The following PTPRM variants were observed in gnomAD, a reference collection of about 807,000 sequenced individuals.
PTPRM encodes the protein protein tyrosine phosphatase receptor type M.
In PTPRM, 47 loss-of-function variants were observed where a neutral mutation model predicts 186.7. The observed-to-expected ratio is 0.25, with a 90% CI of 0.20 to 0.32. The LOEUF (loss-of-function observed/expected upper bound fraction) is 0.32, where lower values mean the gene tolerates loss of function less well. Among genes scored for constraint, PTPRM ranks in the 10% least tolerant of loss-of-function variants. The probability of loss-of-function intolerance (pLI) is 1.00; values close to 1 mark genes in which losing one functional copy is unlikely to be tolerated. For synonymous variants in PTPRM, 668 were observed against 674.9 expected, an observed-to-expected ratio of 0.99 and a Z score of 0.16; for missense variants, 1,494 against 1,865.0, an observed-to-expected ratio of 0.80 and a Z score of 3.66.
Position 8,344,446 on chromosome 18 carries a change from G to GTATATATATATATATATA in PTPRM, c.3054+927_3054+928insATATATATATATATATAT, listed in dbSNP as rs1412437272. Among the ~76,000 whole-genome samples, 59 of 16,594 alleles carry GTATATATATATATATATA rather than the reference G, an allele frequency of 3.6e-3. 2 individuals carry two copies. Among genetic ancestry groups the GTATATATATATATATATA allele is most frequent in the South Asian group, 9.0e-3 (3 of 334 alleles). The allele number at this position is 16,594 out of a possible 152,430, so 10.9% of individuals were successfully genotyped here. On this transcript the variant is annotated intron_variant, in intron 23 of 32. Transcript: ENST00000580170. ...GATATATATATGTGTGTGTGTGTGT[G>GTATATATATATATATATA]TGTATATATATATATATATATATAT...
chr18:7,920,617 AC>A (rs1446372662), intron 4 of PTPRM, among the ~76,000 whole-genome samples: 2 of 152,198 alleles, frequency 1.3e-5, no homozygotes, highest in Non-Finnish European at 2.9e-5. Flanking sequence ...CACAATACTT[AC>A]GAATAGATTG....
Position 8,344,383 on chromosome 18 carries a change from G to GATAT in PTPRM, c.3054+875_3054+878dup, listed in dbSNP as rs61028996. Among the ~76,000 whole-genome samples, 95 of 144,860 alleles carry GATAT rather than the reference G, an allele frequency of 6.6e-4. 1 individual carries two copies. The highest frequency in any genetic ancestry group is 3.0e-3 in the Admixed American group (43 of 14,394). On this transcript the variant is annotated intron_variant, in intron 23 of 32. Transcript: ENST00000580170. ...CATAATGAGAATATTCAGTAAGTAG[G>GATAT]ATATATATATATATACATACACACA... is the stretch of plus-strand genomic sequence containing the variant.
At chr18:8,112,150 T>G (rs1022610870) in intron 11 of PTPRM, among the ~76,000 whole-genome samples, 2 of 152,228 alleles carry the variant, frequency 1.3e-5, no homozygotes, top group African/African-American at 4.8e-5. Flanking sequence ...ACTGGTAATA[T>G]TCACTTTATC....
chr18:8,383,478 C>G (rs1258545541), intron 29 of PTPRM, among the ~76,000 whole-genome samples: 1 of 152,036 alleles, frequency 6.6e-6, no homozygotes, highest in Non-Finnish European at 1.5e-5. Context: ...CTGACTATTT[C>G]CAAGGGTAGG....
intron 1 of PTPRM, among the ~76,000 whole-genome samples, chr18:7,675,738 A>ATT (rs112150765): frequency 0.037 from 5,261 of 141,882 alleles, 120 homozygotes; most frequent in East Asian, 0.097. Flanking sequence ...TTCATTCAGC[A>ATT]TTTTTTTTTT....
At chr18:7,620,975 G>A (rs1251373121) in intron 1 of PTPRM, among the ~76,000 whole-genome samples, 1 of 152,126 alleles carries the variant, frequency 6.6e-6, no homozygotes, top group African/African-American at 2.4e-5. Context: ...CTTGAGGCCA[G>A]GAGTTTGAGA....
intron 4 of PTPRM, among the ~76,000 whole-genome samples, chr18:7,926,083 C>A (rs2051157059): frequency 1.3e-5 from 2 of 152,200 alleles, no homozygotes; most frequent in Non-Finnish European, 1.5e-5. Flanking sequence ...AGTAATGCTG[C>A]ATACCAGTTA....
chr18:8,387,486 G>C, intron 31 of PTPRM, among the ~76,000 whole-genome samples: 1 of 127,284 alleles, frequency 7.9e-6, no homozygotes, highest in Admixed American at 8.8e-5. Context: ...CCCTGCCTCC[G>C]CCGCCCACTG....
chr18:8,397,234 T>A lies in PTPRM; in HGVS notation c.4344+2623T>A, dbSNP rs372310360. Among the ~76,000 whole-genome samples, 26 of 152,344 alleles carry A rather than the reference T, an allele frequency of 1.7e-4. 1 individual carries two copies. In the East Asian group the frequency reaches 5.0e-3, roughly 30 times the overall value. On this transcript the variant is annotated intron_variant, in intron 32 of 32. Transcript: ENST00000580170. Reference sequence around the variant, plus strand: ...TCACATGTGTGGCTGCATTCCCTCATGGTCCCTTCCGTTCAGAACAGGCAA... The same window carrying A: ...TCACATGTGTGGCTGCATTCCCTCAAGGTCCCTTCCGTTCAGAACAGGCAA...
At chr18:8,183,604 T>C (rs1428475873) in intron 14 of PTPRM, among the ~76,000 whole-genome samples, 2 of 152,092 alleles carry the variant, frequency 1.3e-5, no homozygotes, top group East Asian at 3.9e-4. Flanking sequence ...AATATATGTA[T>C]TGAGTCACAT....
chr18:7,794,657 T>C (rs1244601825), intron 2 of PTPRM, among the ~76,000 whole-genome samples: 1 of 152,252 alleles, frequency 6.6e-6, no homozygotes, highest in African/African-American at 2.4e-5. Context: ...ATCACACTGC[T>C]GACAGTGTAC....
intron 8 of PTPRM, among the ~76,000 whole-genome samples, chr18:8,076,043 C>T (rs1047357424): frequency 3.9e-5 from 6 of 152,032 alleles, no homozygotes; most frequent in Admixed American, 1.3e-4. Context: ...TATACCTGCA[C>T]GTGGGACCAT....
At chr18:8,184,251 A>G (rs1194382207) in intron 14 of PTPRM, among the ~76,000 whole-genome samples, 1 of 152,200 alleles carries the variant, frequency 6.6e-6, no homozygotes, top group Non-Finnish European at 1.5e-5. Context: ...ATTCTGGAGC[A>G]CGAATAAATC....
chr18:8,126,240 T>TTATTATTATTGTGAGTATTATTGTGAG (rs768247517), intron 13 of PTPRM, among the ~76,000 whole-genome samples: 1 of 151,044 alleles, frequency 6.6e-6, no homozygotes, highest in Non-Finnish European at 1.5e-5. Context: ...TAGCTTTCAT[T>TTATTATTATTGTGAGTATTATTGTGAG]TATTATTGTG....
intron 3 of PTPRM, among the ~76,000 whole-genome samples, chr18:7,906,236 G>C (rs565112498): frequency 6.6e-6 from 1 of 151,968 alleles, no homozygotes; most frequent in Non-Finnish European, 1.5e-5. Flanking sequence ...GTCATCCCCC[G>C]CAACCCCATG....
chr18:8,222,152 GT>G (rs2094160937), intron 14 of PTPRM, among the ~76,000 whole-genome samples: 1 of 152,166 alleles, frequency 6.6e-6, no homozygotes, highest in African/African-American at 2.4e-5. Context: ...GCTAAGATAA[GT>G]TGTGGTTTGT....
rs1407445624 is a variant in PTPRM at position 8,063,140 on chromosome 18, G to T, written c.1133-6546G>T. On this transcript the variant is annotated intron_variant, in intron 7 of 32. Transcript: ENST00000580170. ...GTGGGCGTAGGACCCTCCGAGCCAG[G>T]TGTGGGATATAGTCTCGTGGTGCGC... Among the ~76,000 whole-genome samples, 13 of 151,842 alleles carry T rather than the reference G, an allele frequency of 8.6e-5. No homozygotes were observed. In the East Asian group the frequency reaches 1.7e-3, roughly 20 times the overall value.
intron 1 of PTPRM, among the ~76,000 whole-genome samples, chr18:7,604,598 T>C (rs2037485213): frequency 6.6e-6 from 1 of 152,226 alleles, no homozygotes; most frequent in Admixed American, 6.5e-5. Flanking sequence ...ATGCTGAATT[T>C]ATGAATATGG....
intron 23 of PTPRM, among the ~76,000 whole-genome samples, chr18:8,358,964 T>C (rs955117133): frequency 1.3e-5 from 2 of 152,210 alleles, no homozygotes; most frequent in Non-Finnish European, 2.9e-5. Context: ...ATGTATAATA[T>C]ATTCACTAAG....
Sources: allele counts gnomAD v4.1 joint callset (sites outside exome capture counted in the v4.1 genomes callset), GRCh38; gene constraint gnomAD v4.1.1; transcripts MANE v1.5; gene names NCBI Gene and HGNC (gene_info 2026-07-23, HGNC 2026-07-21).